URM1: variants seen among roughly 807,000 people sequenced by gnomAD.
The protein encoded by URM1 is ubiquitin-related modifier 1.
Under a neutral mutation model 17.7 loss-of-function variants are expected in URM1, and 11 were observed. That is an observed-to-expected ratio of 0.62 (90% CI 0.39 to 1.03). The LOEUF is 1.03. URM1 is among the 50% of genes least tolerant of loss of function. URM1 has a pLI of 0.00. For missense variants in URM1, 128 were observed against 129.2 expected (o/e 0.99, Z 0.04); for synonymous variants, 48 against 50.6 (o/e 0.95, Z 0.22).
At chr9:128,378,721 G>A (rs779729977) in intron 2 of URM1, among the ~76,000 whole-genome samples, 6 of 151,924 alleles carry the variant, frequency 3.9e-5, no homozygotes, top group South Asian at 4.1e-4. Context: ...TTGGGGGGCC[G>A]AGGCGGACGG....
At chr9:128,379,765 A>AC (rs142571973) in intron 2 of URM1, among the ~76,000 whole-genome samples, 4,996 of 151,984 alleles carry the variant, frequency 0.033, 263 homozygotes, top group African/African-American at 0.11. Flanking sequence ...ATGCCACTGC[A>AC]CTCCAGCCTG....
intron 2 of URM1, among the ~76,000 whole-genome samples, chr9:128,379,540 C>T (rs1833129805): frequency 6.6e-6 from 1 of 151,854 alleles, no homozygotes; most frequent in Non-Finnish European, 1.5e-5. Context: ...TGGCTCACGC[C>T]TGTAATCCCA....
At chr9:128,389,219 C>A (rs776966806) in intron 3 of URM1, 42 bp from the exon 4 acceptor site, 5 of 1,563,368 alleles carry the variant, frequency 3.2e-6, no homozygotes, top group Non-Finnish European at 4.3e-6. Flanking sequence ...CTACTGCCTC[C>A]TGCCTCTCAC....
chr9:128,387,777 T>C lies in URM1; in HGVS notation c.107-39T>C. ...GCTCTGGGGGTGGGCAGGTGCTATT[T>C]GGGTTTGACAAGAGTTTGTTCTGTG... On this transcript the variant is annotated intron_variant, in intron 2 of 4. Coordinates refer to ENST00000372853, the MANE Select transcript of URM1 (RefSeq NM_030914.4). The surrounding 1 kb of genome is among the most constrained non-coding windows in gnomAD (Gnocchi z 4.3). The C allele has an allele frequency of 6.2e-7, 1 of 1,613,402 alleles. No homozygotes were observed. Among genetic ancestry groups the C allele is most frequent in the Non-Finnish European group, 8.5e-7 (1 of 1,179,446 alleles).
intron 3 of URM1, chr9:128,388,509 A>T: frequency 1.0e-6 from 1 of 986,194 alleles, no homozygotes; most frequent in Non-Finnish European, 1.2e-6. Flanking sequence ...TGGCCGGTGC[A>T]GTTGTGAGGC....
chr9:128,371,369 G>A, upstream of URM1: 1 of 1,613,050 alleles, frequency 6.2e-7, no homozygotes, highest in Non-Finnish European at 8.5e-7. Context: ...CTGCGAGCTC[G>A]GCTTCCTCAA....
Position 128,388,226 on chromosome 9 carries a change from A to G in URM1, c.188+329A>G, listed in dbSNP as rs144664288. On this transcript the variant is annotated intron_variant, in intron 3 of 4. Coordinates refer to ENST00000372853, the MANE Select transcript of URM1 (RefSeq NM_030914.4). ...CTCTCTACACAGAAAGTGCTGAGGA[A>G]AAAACGTAGCTAGTACAACTGAAGA... 2.6e-4 allele frequency: 299 copies of G among 1,161,430 alleles called. 2 individuals are homozygous for G. The African/African-American group carries it at 4.5e-3, about 17-fold the overall frequency. 71.9% of individuals were successfully genotyped at this position (1,161,430 alleles called of 1,614,324 possible).
chr9:128,387,378 A>T lies in URM1; in HGVS notation c.107-438A>T, dbSNP rs1195200429. Among the ~76,000 whole-genome samples, 10 of 152,230 alleles carry T rather than the reference A, an allele frequency of 6.6e-5. No homozygotes were observed. ...CAGACCCCTCCAAGAGCAAAGCCGAATCCTCCCCATCTGCGACTGGCTGGA... is the reference window on the plus strand; with the variant it reads ...CAGACCCCTCCAAGAGCAAAGCCGATTCCTCCCCATCTGCGACTGGCTGGA... On this transcript the variant is annotated intron_variant, in intron 2 of 4. Transcript: ENST00000372853. This position sits in a 1 kb window ranked among gnomAD's most constrained non-coding sequence, Gnocchi z 4.3.
rs1833245573 is a variant in URM1 at position 128,387,666 on chromosome 9, G to A, written c.107-150G>A. 2 of 1,314,174 alleles carry A rather than the reference G, an allele frequency of 1.5e-6. No individual in the cohort carries two copies. The highest frequency in any genetic ancestry group is 2.9e-5 in the African/African-American group (2 of 68,378). 81.4% of individuals were successfully genotyped at this position (1,314,174 alleles called of 1,614,324 possible). A position where few individuals can be genotyped will look rare whatever the true frequency, so the allele number is the denominator to read the frequency against. The stretch of plus-strand genomic sequence containing the variant: ...TGTCCTAACCTGTTTCCTCACCTTT[G>A]GAATCTACAAGTTCATGGGCTATCA... On this transcript the variant is annotated intron_variant, in intron 2 of 4. Transcript: ENST00000372853. This position sits in a 1 kb window ranked among gnomAD's most constrained non-coding sequence, Gnocchi z 4.3.
chr9:128,377,974 G>A (rs769822882), intron 1 of URM1, 62 bp from the exon 2 acceptor site: 17 of 1,590,382 alleles, frequency 1.1e-5, no homozygotes, highest in African/African-American at 9.4e-5. Flanking sequence ...TTCTGTTTCC[G>A]CTACCTCTTC....
rs1833297862 is a variant in URM1, at chr9:128,390,560, T to A, written c.*826T>A. 1 of 152,288 alleles carries A rather than the reference T, an allele frequency of 6.6e-6. No homozygotes were observed. The highest frequency in any genetic ancestry group is 2.1e-4 in the South Asian group (1 of 4,836). The allele number at this position is 152,288 out of a possible 1,614,324, so 9.4% of individuals were successfully genotyped here. On this transcript the variant is annotated 3_prime_UTR_variant, in exon 5 of 5. Coordinates refer to ENST00000372853, the MANE Select transcript of URM1 (RefSeq NM_030914.4). The stretch of plus-strand genomic sequence containing the variant: ...GGCTGAAAACTGGGGAGATACTTGA[T>A]GGCGCGAATGTCCGTTTTCTCTCCC...
At chr9:128,372,578 C>T (rs760424205) in intron 1 of URM1, among the ~76,000 whole-genome samples, 1 of 152,144 alleles carries the variant, frequency 6.6e-6, no homozygotes, top group Non-Finnish European at 1.5e-5. Flanking sequence ...GGGGGTAAGT[C>T]TCATGACTAA....
At chr9:128,388,980 G>T in intron 3 of URM1, 1 of 1,263,238 alleles carries the variant, frequency 7.9e-7, no homozygotes, top group Non-Finnish European at 1.0e-6. Flanking sequence ...TTCAGATGAG[G>T]AACCTGATAC....
At chr9:128,373,647 G>C (rs1336037139) in intron 1 of URM1, among the ~76,000 whole-genome samples, 3 of 152,224 alleles carry the variant, frequency 2.0e-5, no homozygotes, top group Non-Finnish European at 4.4e-5. Flanking sequence ...ATGTAATATA[G>C]TTGTGTTTTG....
rs1405016696 is a variant in URM1 at position 128,371,409 on chromosome 9, A to G, written c.29A>G (p.Glu10Gly). 2 of 1,612,860 alleles carry G rather than the reference A, an allele frequency of 1.2e-6. No homozygotes were observed. Among genetic ancestry groups the G allele is most frequent in the South Asian group, 1.1e-5 (1 of 91,018 alleles). Residue 10 changes from glutamate to glycine, a missense_variant, in exon 1 of 5, where the codon GAG (glutamate) becomes GGG (glycine). Coordinates refer to ENST00000372853, the MANE Select transcript of URM1 (RefSeq NM_030914.4). ...GCTGCGCCCTTGTCAGTGGAGGTGGAGTTCGGGTGAGTCACAGAGCTGGGG... is the reference window on the plus strand; with the variant it reads ...GCTGCGCCCTTGTCAGTGGAGGTGGGGTTCGGGTGAGTCACAGAGCTGGGG... MAAPLSVEV[E>G]FGGGAELLFD...
intron 2 of URM1, among the ~76,000 whole-genome samples, chr9:128,378,947 C>CAAAAAAA (rs397976946): frequency 5.8e-5 from 5 of 86,860 alleles, no homozygotes; most frequent in Admixed American, 2.7e-4. Context: ...ATTCTGTCAC[C>CAAAAAAA]AAAAAAAAAA....
At chr9:128,388,538 G>T in intron 3 of URM1, 1 of 986,032 alleles carries the variant, frequency 1.0e-6, no homozygotes, top group Non-Finnish European at 1.2e-6. Flanking sequence ...TTGCCTCGAA[G>T]CATAGGTCAC....
chr9:128,387,744 C>G lies in URM1; in HGVS notation c.107-72C>G. 1 of 1,605,078 alleles carries G rather than the reference C, an allele frequency of 6.2e-7. No individual in the cohort carries two copies. Among genetic ancestry groups the G allele is most frequent in the South Asian group, 1.1e-5 (1 of 90,394 alleles). On this transcript the variant is annotated intron_variant, in intron 2 of 4. Coordinates refer to ENST00000372853, the MANE Select transcript of URM1 (RefSeq NM_030914.4). This position sits in a 1 kb window ranked among gnomAD's most constrained non-coding sequence, Gnocchi z 4.3. ...ACACCGTGTGTATTTCCTTGTGGGC[C>G]AGGCAAGGCTCTGGGGGTGGGCAGG...
At chr9:128,379,616 G>A (rs556470480) in intron 2 of URM1, among the ~76,000 whole-genome samples, 2 of 152,218 alleles carry the variant, frequency 1.3e-5, no homozygotes, top group South Asian at 4.1e-4. Context: ...TGGCCAAGAT[G>A]GTGAAACCCC....
Sources: allele counts gnomAD v4.1 joint callset (sites outside exome capture counted in the v4.1 genomes callset), GRCh38; gene constraint gnomAD v4.1.1; non-coding constraint Gnocchi (gnomAD v3.1); transcripts MANE v1.5; gene names NCBI Gene and HGNC (gene_info 2026-07-23, HGNC 2026-07-21).